TM4SF20: variants seen among roughly 807,000 people sequenced by gnomAD.
The protein encoded by TM4SF20 is transmembrane 4 L6 family member 20.
TM4SF20 carries 13 observed loss-of-function variants against 15.1 expected under a neutral mutation model. The ratio of observed to expected loss-of-function variants is 0.86; its 90% CI spans 0.56 to 1.36. The LOEUF is 1.36. Among genes scored for constraint, TM4SF20 ranks in the 40% most tolerant of loss-of-function variants. The pLI is 0.00. For synonymous variants in TM4SF20, 92 were observed against 96.6 expected (o/e 0.95, Z 0.28); for missense variants, 282 against 268.4 (o/e 1.05, Z -0.35).
rs74484180 is a variant in TM4SF20 at position 227,370,427 on chromosome 2, G to A, written c.249+488C>T. ...AAATGTTTGTGGGACAAAAAAACCC[G>A]TCTCACTTTTTCTACTTCTATATAA... On this transcript the variant is annotated intron_variant, in intron 2 of 3. Coordinates refer to ENST00000304568, the MANE Select transcript of TM4SF20 (RefSeq NM_024795.4). Among the ~76,000 whole-genome samples the A allele has an allele frequency of 3.6e-3, 552 of 152,166 alleles. 7 individuals are homozygous for A. The highest frequency in any genetic ancestry group is 8.5e-3 in the East Asian group (44 of 5,182).
upstream of TM4SF20, among the ~76,000 whole-genome samples, chr2:227,380,146 T>C (rs764188967): frequency 6.6e-5 from 10 of 152,176 alleles, no homozygotes; most frequent in Non-Finnish European, 1.2e-4. Flanking sequence ...CTGGCCAACA[T>C]GGCAAAACCC....
At chr2:227,365,383 A>G (rs2076387773) in intron 3 of TM4SF20, among the ~76,000 whole-genome samples, 1 of 152,212 alleles carries the variant, frequency 6.6e-6, no homozygotes. Flanking sequence ...TGGATTAGAT[A>G]GTTTTTTTCT....
intron 3 of TM4SF20, 76 bp from the exon 4 acceptor site, chr2:227,364,088 G>T: frequency 7.2e-7 from 1 of 1,380,788 alleles, no homozygotes; most frequent in Non-Finnish European, 9.8e-7. Flanking sequence ...GCACATAAAA[G>T]AATGAGTGAA....
intron 1 of TM4SF20, among the ~76,000 whole-genome samples, chr2:227,374,434 GGT>G (rs57830966): frequency 0.78 from 117,779 of 150,960 alleles, 46,082 homozygotes; most frequent in Non-Finnish European, 0.83. Flanking sequence ...AACTGTGAAT[GGT>G]GTGTGTGTGT....
At chr2:227,366,729 AAAAAAAAAAAAAAAAAAAAAAAAAAAAG>A (rs1450109452) in intron 2 of TM4SF20, among the ~76,000 whole-genome samples, 2 of 19,988 alleles carry the variant, frequency 1.0e-4, no homozygotes, top group African/African-American at 2.2e-4. Flanking sequence ...AAAAAAAAAA[AAAAAAAAAAAAAAAAAAAAAAAAAAAAG>A]ATGGTTTGGC....
Position 227,376,628 on chromosome 2 carries a change from G to A in TM4SF20, c.183+2458C>T, listed in dbSNP as rs577182710. Among the ~76,000 whole-genome samples, 154 of 152,326 alleles carry A rather than the reference G, an allele frequency of 1.0e-3. 2 individuals carry two copies. The Middle Eastern group carries it at 0.01, about 10-fold the overall frequency. ...GATAAAGTAAACTTAGCTGTAGAAC[G>A]AGGAAGTTCAGATTCTCTGAAACTG... is the stretch of plus-strand genomic sequence containing the variant. On this transcript the variant is annotated intron_variant, in intron 1 of 3. Transcript: ENST00000304568.
At position 227,374,908 on chromosome 2, in the gene TM4SF20, T is replaced by C. The variant is rs375526413; in HGVS notation, c.184-3928A>G. Among the ~76,000 whole-genome samples, 21 of 142,810 alleles carry C rather than the reference T, an allele frequency of 1.5e-4. 1 individual carries two copies. In the East Asian group the frequency reaches 2.1e-3, roughly 14 times the overall value. The allele number at this position is 142,810 out of a possible 152,430, so 93.7% of individuals were successfully genotyped here. ...GAGTTTGACCCCAACCTGGGCAATA[T>C]AGTGAGACCCTATCTACAAAAAAAA... On this transcript the variant is annotated intron_variant, in intron 1 of 3. Transcript: ENST00000304568.
chr2:227,366,758 A>T (rs2076395726), intron 2 of TM4SF20, among the ~76,000 whole-genome samples: 8 of 129,090 alleles, frequency 6.2e-5, no homozygotes, highest in South Asian at 5.1e-4. Context: ...AAAAAAAAAG[A>T]TGGTTTGGCT....
At chr2:227,368,355 A>ATATATATATATATATAT (rs397988096) in intron 2 of TM4SF20, among the ~76,000 whole-genome samples, 25 of 131,978 alleles carry the variant, frequency 1.9e-4, no homozygotes, top group Non-Finnish European at 2.9e-4. Context: ...ATATATATAT[A>ATATATATATATATATAT]ATTTTTTGTT....
chr2:227,363,628 G>A lies in TM4SF20; in HGVS notation c.*96C>T, dbSNP rs1266580677. 1 of 1,317,794 alleles carries A rather than the reference G, an allele frequency of 7.6e-7. No homozygotes were observed. The highest frequency in any genetic ancestry group is 1.5e-5 in the African/African-American group (1 of 67,712). 81.6% of individuals were successfully genotyped at this position (1,317,794 alleles called of 1,614,324 possible). On this transcript the variant is annotated 3_prime_UTR_variant, in exon 4 of 4. Coordinates refer to ENST00000304568, the MANE Select transcript of TM4SF20 (RefSeq NM_024795.4). ...TTACAACGTGCTTTCTACGTGAAGGGTTGATTTTTTAAATCATCTCAAAGA... is the reference window on the plus strand; with the variant it reads ...TTACAACGTGCTTTCTACGTGAAGGATTGATTTTTTAAATCATCTCAAAGA...
At position 227,370,895 on chromosome 2, in the gene TM4SF20, G is replaced by A. The variant is rs746167613; in HGVS notation, c.249+20C>T. ...ACTGTTCATGCACTTCTGCTTCCACGCCGACTGCTTCATACTTACTCCAGT... is the reference window on the plus strand; with the variant it reads ...ACTGTTCATGCACTTCTGCTTCCACACCGACTGCTTCATACTTACTCCAGT... On this transcript the variant is annotated intron_variant, in intron 2 of 3. Coordinates refer to ENST00000304568, the MANE Select transcript of TM4SF20 (RefSeq NM_024795.4). The A allele has an allele frequency of 5.0e-6, 8 of 1,611,188 alleles. No homozygotes were observed. The highest frequency in any genetic ancestry group is 1.7e-5 in the Admixed American group (1 of 59,970).
At position 227,362,760 on chromosome 2, in the gene TM4SF20, G is replaced by A. The variant is rs2076368273; in HGVS notation, c.*964C>T. ...AAAATTCCAAAATCCAAAAAAATGT[G>A]AAAGCCAAAACACTTCTGATCTTAA... On this transcript the variant is annotated 3_prime_UTR_variant, in exon 4 of 4. Coordinates refer to ENST00000304568, the MANE Select transcript of TM4SF20 (RefSeq NM_024795.4). 1 of 152,164 alleles carries A rather than the reference G, an allele frequency of 6.6e-6. No homozygotes were observed. Among genetic ancestry groups the A allele is most frequent in the Non-Finnish European group, 1.5e-5 (1 of 68,018 alleles). 9.4% of individuals were successfully genotyped at this position (152,164 alleles called of 1,614,324 possible). A position where few individuals can be genotyped will look rare whatever the true frequency, so the allele number is the denominator to read the frequency against.
In TM4SF20 at chr2:227,370,936, C is replaced by T. The variant is rs138547735; in HGVS notation, c.228G>A (p.Ala76=). The change falls in exon 2 of 4, where the codon GCG becomes GCA. Residue 76 remains alanine, a synonymous_variant. Coordinates refer to ENST00000304568, the MANE Select transcript of TM4SF20 (RefSeq NM_024795.4). ...TTACTCCAGTTCTGTTGTTGCAGCACGCTCTTTTTCTTGCTGTCAAGGACA... is the reference window on the plus strand; with the variant it reads ...TTACTCCAGTTCTGTTGTTGCAGCATGCTCTTTTTCTTGCTGTCAAGGACA... The part of the protein sequence containing the change: ...TTMSLTARKR[A]CCNNRTGMFL... 100 of 1,613,996 alleles carry T rather than the reference C, an allele frequency of 6.2e-5. 1 individual carries two copies. The highest frequency in any genetic ancestry group is 4.8e-4 in the South Asian group (44 of 91,082).
chr2:227,363,088 G>T lies in TM4SF20; in HGVS notation c.*636C>A, dbSNP rs1461154796. 2 of 152,092 alleles carry T rather than the reference G, an allele frequency of 1.3e-5. No individual in the cohort carries two copies. The highest frequency in any genetic ancestry group is 2.9e-5 in the Non-Finnish European group (2 of 68,014). The allele number at this position is 152,092 out of a possible 1,614,324, so 9.4% of individuals were successfully genotyped here. On this transcript the variant is annotated 3_prime_UTR_variant, in exon 4 of 4. Coordinates refer to ENST00000304568, the MANE Select transcript of TM4SF20 (RefSeq NM_024795.4). Reference sequence around the variant, plus strand: ...GATCTAAAGACTTGATTGCATTCAGGTTATGTATTTATTCTTTAAAGAAAT... The same window carrying T: ...GATCTAAAGACTTGATTGCATTCAGTTTATGTATTTATTCTTTAAAGAAAT...
intron 2 of TM4SF20, 113 bp from the exon 3 acceptor site, chr2:227,366,357 C>T: frequency 1.2e-6 from 1 of 849,738 alleles, no homozygotes. Flanking sequence ...AATCCTGGAT[C>T]TTAAGATCAC....
chr2:227,375,464 G>A (rs62190925), intron 1 of TM4SF20, among the ~76,000 whole-genome samples: 1 of 152,046 alleles, frequency 6.6e-6, no homozygotes, highest in Non-Finnish European at 1.5e-5. Context: ...CATGCCTAAT[G>A]TCTTCTCATC....
chr2:227,367,897 A>G (rs1459700672), intron 2 of TM4SF20, among the ~76,000 whole-genome samples: 1 of 152,188 alleles, frequency 6.6e-6, no homozygotes, highest in African/African-American at 2.4e-5. Context: ...CTTCCAGCCA[A>G]AAGTTCAGAA....
intron 1 of TM4SF20, among the ~76,000 whole-genome samples, chr2:227,377,360 C>T (rs897135131): frequency 6.6e-6 from 1 of 152,228 alleles, no homozygotes; most frequent in Non-Finnish European, 1.5e-5. Context: ...CACGGATGTA[C>T]AGTTGCTTCA....
intron 2 of TM4SF20, among the ~76,000 whole-genome samples, chr2:227,370,304 C>T (rs889644828): frequency 1.3e-5 from 2 of 152,140 alleles, no homozygotes; most frequent in Non-Finnish European, 2.9e-5. Context: ...TTGATTGCAG[C>T]TGTGGGCGTG....
Sources: gnomAD v4.1 joint callset for allele counts (sites outside exome capture counted in the v4.1 genomes callset) on GRCh38, gnomAD v4.1.1 for gene constraint, MANE v1.5 for transcripts, NCBI Gene and HGNC (gene_info 2026-07-23, HGNC 2026-07-21) for gene names.